Variants in COP1 observed in about 807,000 individuals in gnomAD.
COP1 encodes the protein E3 ubiquitin-protein ligase COP1.
A neutral mutation model predicts 101.3 loss-of-function variants in COP1; 24 were observed. The ratio of observed to expected loss-of-function variants is 0.24; its 90% CI spans 0.17 to 0.33. The LOEUF is 0.33. Among genes scored for constraint, COP1 ranks in the 10% least tolerant of loss-of-function variants. The pLI, the probability that COP1 is intolerant of heterozygous loss-of-function variation, is 1.00. For synonymous variants in COP1, 347 were observed against 341.9 expected, an observed-to-expected ratio of 1.01 and a Z score of -0.17; for missense variants, 663 against 906.2, an observed-to-expected ratio of 0.73 and a Z score of 3.45.
In COP1 at chr1:176,051,108, A is replaced by G. The variant is rs114977892; in HGVS notation, c.1278-4784T>C. Among the ~76,000 whole-genome samples, 893 of 152,362 alleles carry G rather than the reference A, an allele frequency of 5.9e-3. 12 individuals carry two copies. Among genetic ancestry groups the G allele is most frequent in the African/African-American group, 0.021 (856 of 41,578 alleles). On this transcript the variant is annotated intron_variant, in intron 11 of 19. Transcript: ENST00000367669. ...ACCGGTTTTATAATTAGTAGAAGAG[A>G]TTACAGACAATATATGCAAATGTCA...
intron 1 of COP1, among the ~76,000 whole-genome samples, chr1:176,194,851 G>A (rs1422423148): frequency 1.3e-5 from 2 of 151,824 alleles, no homozygotes; most frequent in African/African-American, 4.8e-5. Flanking sequence ...CAAGGCAGGA[G>A]AATCGCTTGA....
intron 18 of COP1, among the ~76,000 whole-genome samples, chr1:175,968,998 C>T (rs183842372): frequency 4.6e-5 from 7 of 152,314 alleles, no homozygotes; most frequent in Admixed American, 4.6e-4. Context: ...CTGATTAATA[C>T]TGAGAAGAGC....
rs965115155 is a variant in COP1 at position 175,947,200 on chromosome 1, T to C, written c.2173A>G (p.Ile725Val). ...VLIAANSQGT[I>V]KVLELV ...AGATATAGTAAATAGCTTACCTTAA[T>C]TGTACCCTGACTGTTAGCAGCAATC... Residue 725 changes from isoleucine to valine, a missense_variant, in exon 19 of 20, where the codon ATT becomes GTT. Physicochemically the swap from Ile to Val is conservative, Grantham distance 29 (BLOSUM62 3). Coordinates refer to ENST00000367669, the MANE Select transcript of COP1 (RefSeq NM_022457.7). The C allele has an allele frequency of 6.2e-7, 1 of 1,606,946 alleles. No individual in the cohort carries two copies. Among genetic ancestry groups the C allele is most frequent in the Non-Finnish European group, 8.5e-7 (1 of 1,173,606 alleles).
At chr1:176,034,926 T>A (rs1258045927) in intron 14 of COP1, among the ~76,000 whole-genome samples, 1 of 152,184 alleles carries the variant, frequency 6.6e-6, no homozygotes, top group Non-Finnish European at 1.5e-5. Context: ...CTAAGCCAAC[T>A]GATCACCTAC....
Position 175,993,239 on chromosome 1 carries a change from T to C in COP1, c.1730-3760A>G, listed in dbSNP as rs547797505. ...AAAGGACATCCACACCAAAAACCCATCTGTATATCACCACCATCAAAGACC... is the reference window on the plus strand; with the variant it reads ...AAAGGACATCCACACCAAAAACCCACCTGTATATCACCACCATCAAAGACC... On this transcript the variant is annotated intron_variant, in intron 15 of 19. Transcript: ENST00000367669. Among the ~76,000 whole-genome samples the C allele has an allele frequency of 3.2e-3, 482 of 152,276 alleles. 1 individual carries two copies. The highest frequency in any genetic ancestry group is 0.011 in the African/African-American group (460 of 41,560).
At chr1:176,106,323 G>T (rs988013190) in intron 9 of COP1, among the ~76,000 whole-genome samples, 1 of 152,112 alleles carries the variant, frequency 6.6e-6, no homozygotes, top group Non-Finnish European at 1.5e-5. Flanking sequence ...GGGCCACTGT[G>T]CCCAGCCAAT....
chr1:175,983,227 T>A (rs1656287305), intron 18 of COP1, among the ~76,000 whole-genome samples: 1 of 152,172 alleles, frequency 6.6e-6, no homozygotes, highest in Admixed American at 6.5e-5. Context: ...TTTGGGTGTG[T>A]CCCCATCCAA....
intron 18 of COP1, among the ~76,000 whole-genome samples, chr1:175,957,823 A>G (rs1207785102): frequency 6.6e-6 from 1 of 152,210 alleles, no homozygotes; most frequent in African/African-American, 2.4e-5. Flanking sequence ...TTTGTTGCAT[A>G]GTTATAAAAT....
At chr1:176,156,793 T>C (rs1263805441) in intron 5 of COP1, among the ~76,000 whole-genome samples, 1 of 152,144 alleles carries the variant, frequency 6.6e-6, no homozygotes, top group African/African-American at 2.4e-5. Context: ...TAACAGGGTT[T>C]CAAAATACAT....
chr1:176,077,052 T>G (rs1420309543), intron 11 of COP1, among the ~76,000 whole-genome samples: 1 of 152,016 alleles, frequency 6.6e-6, no homozygotes, highest in African/African-American at 2.4e-5. Context: ...CTAATAGAGG[T>G]ACAAAGAATT....
chr1:176,128,123 C>T (rs955633605), intron 8 of COP1, among the ~76,000 whole-genome samples: 1 of 152,032 alleles, frequency 6.6e-6, no homozygotes, highest in African/African-American at 2.4e-5. Flanking sequence ...ATATTTTGCA[C>T]ATTAGCACCT....
rs1696881994 is a variant in COP1 at position 176,176,021 on chromosome 1, G to A, written c.468-14C>T. The A allele has an allele frequency of 7.6e-7, 1 of 1,315,442 alleles. No homozygotes were observed. Among genetic ancestry groups the A allele is most frequent in the East Asian group, 2.4e-5 (1 of 42,206 alleles). The allele number at this position is 1,315,442 out of a possible 1,614,324, so 81.5% of individuals were successfully genotyped here. A position where few individuals can be genotyped will look rare whatever the true frequency, so the allele number is the denominator to read the frequency against. On this transcript the variant is annotated splice_polypyrimidine_tract_variant and intron_variant, in intron 2 of 19. Coordinates refer to ENST00000367669, the MANE Select transcript of COP1 (RefSeq NM_022457.7). The stretch of plus-strand genomic sequence containing the variant: ...ATACACTTGTAGCTATTAGTAGGGG[G>A]GGAAAAAAAAGGCTTAATTAAATCA...
rs149988297 is a variant in COP1 at position 175,955,048 on chromosome 1, G to A, written c.2134-7809C>T. The stretch of plus-strand genomic sequence containing the variant: ...GGATTGCTTGAGTCCAGGAGTGTGA[G>A]ACCAGCCTGGGCAATATGGCGAAAC... On this transcript the variant is annotated intron_variant, in intron 18 of 19. Transcript: ENST00000367669. Among the ~76,000 whole-genome samples the A allele has an allele frequency of 2.1e-3, 321 of 152,148 alleles. 1 individual carries two copies. The highest frequency in any genetic ancestry group is 7.3e-3 in the African/African-American group (304 of 41,510).
intron 8 of COP1, among the ~76,000 whole-genome samples, chr1:176,117,888 C>G (rs1035619969): frequency 6.6e-6 from 1 of 151,628 alleles, no homozygotes; most frequent in Non-Finnish European, 1.5e-5. Context: ...GAGCAAGACT[C>G]TGTCTCGAAA....
intron 3 of COP1, among the ~76,000 whole-genome samples, chr1:176,168,337 G>A (rs1358367215): frequency 2.0e-5 from 3 of 151,266 alleles, no homozygotes; most frequent in Non-Finnish European, 2.9e-5. Context: ...GATTACAGGC[G>A]TGAGCCACCA....
chr1:176,113,451 C>T lies in COP1; in HGVS notation c.1026+3173G>A, dbSNP rs1025173787. ...TATATTCTGGTTATTAATCCCTTGT[C>T]GGATAGATAATCTGCCAACATTTTC... On this transcript the variant is annotated intron_variant, in intron 9 of 19. Coordinates refer to ENST00000367669, the MANE Select transcript of COP1 (RefSeq NM_022457.7). Among the ~76,000 whole-genome samples the T allele has an allele frequency of 2.8e-4, 42 of 152,052 alleles. 1 individual carries two copies. The highest frequency in any genetic ancestry group is 9.9e-4 in the African/African-American group (41 of 41,408).
intron 18 of COP1, among the ~76,000 whole-genome samples, chr1:175,961,949 G>A (rs892184769): frequency 6.8e-4 from 103 of 152,152 alleles, no homozygotes; most frequent in African/African-American, 2.4e-3. Context: ...AAATTGTGTG[G>A]AGAAAGCAGC....
intron 8 of COP1, among the ~76,000 whole-genome samples, chr1:176,123,791 T>C (rs1343367728): frequency 6.6e-6 from 1 of 152,302 alleles, no homozygotes; most frequent in African/African-American, 2.4e-5. Flanking sequence ...TTGAACTTTC[T>C]CTTATAAAAA....
chr1:175,995,659 A>C (rs552868237), intron 15 of COP1, among the ~76,000 whole-genome samples: 1 of 152,368 alleles, frequency 6.6e-6, no homozygotes, highest in Admixed American at 6.5e-5. Flanking sequence ...CAAATGGATA[A>C]ATTCCTCGAC....
Sources: allele counts gnomAD v4.1 joint callset (sites outside exome capture counted in the v4.1 genomes callset), GRCh38; gene constraint gnomAD v4.1.1; transcripts MANE v1.5; gene names NCBI Gene and HGNC (gene_info 2026-07-23, HGNC 2026-07-21).